BACE2: variants seen among roughly 807,000 people sequenced by gnomAD.
The protein encoded by BACE2 is 56 kDa aspartic-like protease.
In BACE2, 17 loss-of-function variants were observed where a neutral mutation model predicts 46.2. The ratio of observed to expected loss-of-function variants is 0.37; its 90% confidence interval spans 0.25 to 0.55. The LOEUF (loss-of-function observed/expected upper bound fraction) is 0.55. Ranked by LOEUF, BACE2 falls within the 20% of genes least tolerant of loss-of-function variation. The pLI, the probability that BACE2 is intolerant of heterozygous loss-of-function variation, is 0.82. For missense variants in BACE2, 595 were observed against 698.1 expected, an observed-to-expected ratio of 0.85 and a Z score of 1.66; for synonymous variants, 277 against 295.9, an observed-to-expected ratio of 0.94 and a Z score of 0.66.
intron 1 of BACE2, among the ~76,000 whole-genome samples, chr21:41,207,728 T>C (rs370458040): frequency 6.6e-6 from 1 of 152,304 alleles, no homozygotes; most frequent in South Asian, 2.1e-4. Flanking sequence ...GAACACAGGC[T>C]CTCTGGCCTC....
chr21:41,236,029 A>G (rs1188316572), intron 2 of BACE2, among the ~76,000 whole-genome samples: 3 of 152,250 alleles, frequency 2.0e-5, no homozygotes, highest in Non-Finnish European at 4.4e-5. Flanking sequence ...GCAGGTGAGC[A>G]GGATCGCTTT....
chr21:41,246,195 T>C, intron 6 of BACE2, 132 bp downstream of exon 6: 1 of 516,636 alleles, frequency 1.9e-6, no homozygotes, highest in Middle Eastern at 3.5e-4. Context: ...TGTGTATTTG[T>C]ATATTTTATA....
At chr21:41,210,505 C>G (rs185094444) in intron 1 of BACE2, among the ~76,000 whole-genome samples, 2 of 152,156 alleles carry the variant, frequency 1.3e-5, no homozygotes, top group African/African-American at 4.8e-5. Context: ...CATGGCACAG[C>G]GTCTTCTTTT....
intron 1 of BACE2, among the ~76,000 whole-genome samples, chr21:41,213,502 C>T (rs1398184194): frequency 4.6e-5 from 7 of 152,290 alleles, no homozygotes; most frequent in South Asian, 2.1e-4. Context: ...TGGCTGGGCA[C>T]GGTGGCTCAC....
At chr21:41,211,670 G>A (rs1379238802) in intron 1 of BACE2, among the ~76,000 whole-genome samples, 1 of 152,240 alleles carries the variant, frequency 6.6e-6, no homozygotes, top group Non-Finnish European at 1.5e-5. Context: ...CAGCAGATGG[G>A]CTGCTAATAT....
chr21:41,257,851 T>C (rs1272300666), intron 8 of BACE2, among the ~76,000 whole-genome samples: 1 of 152,132 alleles, frequency 6.6e-6, no homozygotes, highest in African/African-American at 2.4e-5. Flanking sequence ...AGCTGGAGGG[T>C]TGGCAGGTCT....
At chr21:41,202,336 C>T (rs752309148) in intron 1 of BACE2, among the ~76,000 whole-genome samples, 6 of 152,278 alleles carry the variant, frequency 3.9e-5, no homozygotes, top group East Asian at 3.9e-4. Flanking sequence ...TGGAGGATTT[C>T]GAGGGGGTAT....
chr21:41,241,746 G>A, intron 3 of BACE2, 73 bp from the exon 4 acceptor site: 1 of 1,554,478 alleles, frequency 6.4e-7, no homozygotes, highest in Non-Finnish European at 8.8e-7. Context: ...GTGGCGCGTG[G>A]CGTCTACACT....
intron 1 of BACE2, chr21:41,184,542 C>T (rs1271126464): frequency 1.2e-5 from 2 of 167,066 alleles, no homozygotes; most frequent in Non-Finnish European, 1.5e-5. Context: ...AACTACTTTC[C>T]ACAGTGGACA....
intron 1 of BACE2, among the ~76,000 whole-genome samples, chr21:41,226,058 C>T (rs1283378070): frequency 6.6e-6 from 1 of 152,228 alleles, no homozygotes; most frequent in East Asian, 1.9e-4. Flanking sequence ...AGGACCATTT[C>T]CCCTCTCCAG....
At chr21:41,257,358 C>T (rs747018580) in intron 8 of BACE2, 32 bp downstream of exon 8, 17 of 1,606,384 alleles carry the variant, frequency 1.1e-5, no homozygotes, top group East Asian at 2.2e-5. Context: ...CAGGGATCCC[C>T]GACAAGAGTC....
chr21:41,206,327 C>T (rs1472603024), intron 1 of BACE2, among the ~76,000 whole-genome samples: 1 of 152,176 alleles, frequency 6.6e-6, no homozygotes, highest in Non-Finnish European at 1.5e-5. Flanking sequence ...GAGGCTCCAT[C>T]CTCATGACCT....
chr21:41,194,934 A>G (rs2123518779), intron 1 of BACE2, among the ~76,000 whole-genome samples: 2 of 152,334 alleles, frequency 1.3e-5, no homozygotes, highest in Middle Eastern at 6.8e-3. Context: ...CAGGCAGGGC[A>G]CTTATTTCCA....
chr21:41,263,125 T>A (rs1987981389), intron 8 of BACE2, among the ~76,000 whole-genome samples: 1 of 152,188 alleles, frequency 6.6e-6, no homozygotes, highest in Non-Finnish European at 1.5e-5. Context: ...AATTTCCTTC[T>A]CAGTCCTAAA....
intron 1 of BACE2, chr21:41,179,439 T>G (rs375110040): frequency 1.5e-6 from 2 of 1,319,654 alleles, no homozygotes; most frequent in Admixed American, 2.2e-5. Context: ...TGAGTGAACG[T>G]GTCCAGGGTG....
intron 1 of BACE2, chr21:41,179,251 G>A (rs1984988014): frequency 7.8e-7 from 1 of 1,289,522 alleles, no homozygotes; most frequent in Non-Finnish European, 1.0e-6. Flanking sequence ...AGGGTGAGGA[G>A]TGAGGGAGTC....
intron 1 of BACE2, chr21:41,178,272 T>G (rs1487040059): frequency 6.6e-6 from 1 of 152,214 alleles, no homozygotes; most frequent in Non-Finnish European, 1.5e-5. Flanking sequence ...ACCTGCTGAT[T>G]CCCCCATCCT....
At chr21:41,175,908 C>T (rs138989737) in intron 1 of BACE2, 3,193 of 152,202 alleles carry the variant, frequency 0.021, 51 homozygotes, top group Non-Finnish European at 0.033. Flanking sequence ...AATTCCTAAG[C>T]TTTTTTTGAA....
At chr21:41,261,339 G>A (rs1987929902) in intron 8 of BACE2, among the ~76,000 whole-genome samples, 1 of 152,126 alleles carries the variant, frequency 6.6e-6, no homozygotes. Context: ...TCACATTTTA[G>A]TTGATTACTT....
Sources: gnomAD v4.1 joint callset for allele counts (sites outside exome capture counted in the v4.1 genomes callset) on GRCh38, gnomAD v4.1.1 for gene constraint, MANE v1.5 for transcripts, NCBI Gene and HGNC (gene_info 2026-07-23, HGNC 2026-07-21) for gene names.